Variants in LRRC28 observed in about 807,000 individuals in gnomAD.
LRRC28 encodes the protein leucine rich repeat containing 28.
In LRRC28, 39 loss-of-function variants were observed where a neutral mutation model predicts 45.7. The observed-to-expected ratio is 0.85, with a 90% CI of 0.66 to 1.12. The LOEUF (loss-of-function observed/expected upper bound fraction) is 1.12. Ranked by LOEUF, LRRC28 falls within the 50% of genes most tolerant of loss-of-function variation. The pLI is 0.00. For missense variants in LRRC28, 435 were observed against 438.5 expected (o/e 0.99, Z 0.07); for synonymous variants, 206 against 178.8 (o/e 1.15, Z -1.22).
intron 4 of LRRC28, among the ~76,000 whole-genome samples, chr15:99,287,563 C>T (rs1401686718): frequency 1.3e-5 from 2 of 151,936 alleles, no homozygotes; most frequent in African/African-American, 2.4e-5. Context: ...AAAAAAAGCC[C>T]TGTGTATCAT....
intron 5 of LRRC28, among the ~76,000 whole-genome samples, chr15:99,301,506 T>C (rs920512858): frequency 3.9e-4 from 59 of 152,214 alleles, no homozygotes; most frequent in Non-Finnish European, 1.2e-4. Context: ...GAACTTTAAG[T>C]ACTATAAACT....
intron 2 of LRRC28, chr15:99,258,683 G>A: frequency 1.4e-6 from 1 of 724,940 alleles, no homozygotes. Flanking sequence ...TGAATACAAA[G>A]CTTTCTGCAA....
intron 9 of LRRC28, among the ~76,000 whole-genome samples, chr15:99,373,883 A>G (rs1185561205): frequency 1.3e-5 from 2 of 152,138 alleles, no homozygotes; most frequent in East Asian, 3.8e-4. Flanking sequence ...CCTACCCCCA[A>G]GGTCATGAAG....
intron 3 of LRRC28, chr15:99,285,638 G>A: frequency 1.5e-6 from 1 of 650,884 alleles, no homozygotes; most frequent in Non-Finnish European, 2.8e-6. Flanking sequence ...GGCAGCCACT[G>A]TGTACTATTT....
intron 9 of LRRC28, among the ~76,000 whole-genome samples, chr15:99,364,431 A>G (rs1957288361): frequency 6.6e-6 from 1 of 152,082 alleles, no homozygotes; most frequent in Non-Finnish European, 1.5e-5. Context: ...AATCTTCTGT[A>G]TTTTTAATGT....
intron 3 of LRRC28, chr15:99,285,597 C>CT (rs540929707): frequency 1.7e-5 from 12 of 698,432 alleles, no homozygotes; most frequent in Non-Finnish European, 2.8e-5. Context: ...GGAGGAGAGA[C>CT]TTTAACGATG....
chr15:99,273,031 A>G (rs2081521713), intron 2 of LRRC28, among the ~76,000 whole-genome samples: 1 of 152,198 alleles, frequency 6.6e-6, no homozygotes, highest in Non-Finnish European at 1.5e-5. Flanking sequence ...CTAGTTGTCT[A>G]GTCTCTTATA....
At chr15:99,285,824 C>A in intron 3 of LRRC28, 1 of 426,432 alleles carries the variant, frequency 2.3e-6, no homozygotes. Context: ...AATCAGTTCT[C>A]TATTTTGATT....
At chr15:99,376,533 G>C (rs1008096598) in intron 9 of LRRC28, among the ~76,000 whole-genome samples, 1 of 151,788 alleles carries the variant, frequency 6.6e-6, no homozygotes, top group East Asian at 1.9e-4. Context: ...TTTTCATTTA[G>C]TTGAAAAAAA....
intron 6 of LRRC28, among the ~76,000 whole-genome samples, chr15:99,345,421 G>A (rs1466982278): frequency 6.6e-6 from 1 of 152,054 alleles, no homozygotes; most frequent in East Asian, 1.9e-4. Context: ...TGTGGCTATA[G>A]GACTTGTTGA....
intron 5 of LRRC28, among the ~76,000 whole-genome samples, chr15:99,331,112 A>T (rs1450030513): frequency 6.6e-6 from 1 of 152,204 alleles, no homozygotes; most frequent in Non-Finnish European, 1.5e-5. Flanking sequence ...AATAACGCAA[A>T]AAAAGTGCAA....
chr15:99,336,248 A>G (rs1956317600), intron 6 of LRRC28, among the ~76,000 whole-genome samples: 1 of 152,226 alleles, frequency 6.6e-6, no homozygotes, highest in South Asian at 2.1e-4. Context: ...GACAAAATCT[A>G]TTATTATAAA....
chr15:99,258,303 A>G (rs906102109), intron 2 of LRRC28: 43 of 1,514,782 alleles, frequency 2.8e-5, no homozygotes, highest in East Asian at 9.0e-5. Context: ...TCTGAATCCA[A>G]TGAATATTCT....
At chr15:99,318,189 T>C (rs982027234) in intron 5 of LRRC28, among the ~76,000 whole-genome samples, 6 of 152,168 alleles carry the variant, frequency 3.9e-5, no homozygotes, top group African/African-American at 1.4e-4. Flanking sequence ...CTCAGCAATA[T>C]AGATTTGCAT....
intron 5 of LRRC28, among the ~76,000 whole-genome samples, chr15:99,329,784 ATCATGGTATTTCAT>A (rs1426107812): frequency 6.6e-6 from 1 of 152,230 alleles, no homozygotes; most frequent in East Asian, 1.9e-4. Flanking sequence ...TAGGTTGTTC[ATCATGGTATTTCAT>A]GCAGCTGACT....
chr15:99,290,844 T>G lies in LRRC28; in HGVS notation c.385+2893T>G, dbSNP rs1265898177. ...TTAGCCGTGCATGGTGACACACACC[T>G]TAGTCCTAGCTGCTTGGGAGGCTGG... On this transcript the variant is annotated intron_variant, in intron 5 of 9. Transcript: ENST00000301981. Among the ~76,000 whole-genome samples, 14 of 151,974 alleles carry G rather than the reference T, an allele frequency of 9.2e-5. 1 individual carries two copies. Among genetic ancestry groups the G allele is most frequent in the Admixed American group, 9.2e-4 (14 of 15,272 alleles).
chr15:99,375,749 G>A lies in LRRC28; in HGVS notation c.1032-10281G>A, dbSNP rs1331768757. Among the ~76,000 whole-genome samples the A allele has an allele frequency of 2.0e-5, 3 of 152,024 alleles. 1 individual carries two copies. The South Asian group carries it at 6.2e-4, about 32-fold the overall frequency. On this transcript the variant is annotated intron_variant, in intron 9 of 9. Transcript: ENST00000301981. The stretch of plus-strand genomic sequence containing the variant: ...TTCTTTGAAGTTGTCAGATTTATTA[G>A]TATAAAGTTGTCCCTGGTATTCCTA...
chr15:99,353,646 G>A (rs1956956531), intron 7 of LRRC28: 1 of 152,142 alleles, frequency 6.6e-6, no homozygotes, highest in South Asian at 2.1e-4. Context: ...CATTAATATA[G>A]CCTAATTCTT....
At chr15:99,325,781 G>A (rs1021129547) in intron 5 of LRRC28, among the ~76,000 whole-genome samples, 6 of 152,164 alleles carry the variant, frequency 3.9e-5, no homozygotes, top group Non-Finnish European at 8.8e-5. Flanking sequence ...AGAGAGGTGG[G>A]CCAGGGCTGA....
Sources: gnomAD v4.1 joint callset for allele counts (sites outside exome capture counted in the v4.1 genomes callset) on GRCh38, gnomAD v4.1.1 for gene constraint, MANE v1.5 for transcripts, NCBI Gene and HGNC (gene_info 2026-07-23, HGNC 2026-07-21) for gene names.